CAPN5: variants seen among roughly 807,000 people sequenced by gnomAD.
CAPN5 encodes calpain-5.
Under a neutral mutation model 73.0 loss-of-function variants are expected in CAPN5, and 54 were observed. That is an observed-to-expected ratio of 0.74 (90% CI 0.59 to 0.93). CAPN5 has a LOEUF of 0.93. Among genes scored for constraint, CAPN5 ranks in the 40% least tolerant of loss-of-function variants. The pLI is 0.00. For missense variants in CAPN5, 785 were observed against 882.9 expected (o/e 0.89, Z 1.41); for synonymous variants, 335 against 356.9 (o/e 0.94, Z 0.69).
chr11:77,111,583 A>G (rs543719986), intron 3 of CAPN5, among the ~76,000 whole-genome samples: 7 of 152,306 alleles, frequency 4.6e-5, no homozygotes, highest in South Asian at 2.1e-4. Context: ...TCCCCAGTCA[A>G]TGTCTTTGAA....
chr11:77,088,394 C>T (rs1352975297), intron 2 of CAPN5, among the ~76,000 whole-genome samples: 2 of 152,160 alleles, frequency 1.3e-5, no homozygotes, highest in South Asian at 4.1e-4. Flanking sequence ...CGGGGGCACA[C>T]CCAGCCGAAC....
Position 77,099,739 on chromosome 11 carries a change from G to GGGAGAC in CAPN5, c.297+5931_297+5932insCGGAGA, listed in dbSNP as rs1555038440. On this transcript the variant is annotated intron_variant, in intron 3 of 12. Transcript: ENST00000648180. The stretch of plus-strand genomic sequence containing the variant: ...AGGGAGAGGGAGACGGAGAGGGAGA[G>GGGAGAC]GGAGAGGGAGACGGAGAGGGAGACG... Among the ~76,000 whole-genome samples, 175 of 148,702 alleles carry GGGAGAC rather than the reference G, an allele frequency of 1.2e-3. 2 individuals are homozygous for GGGAGAC. Among genetic ancestry groups the GGGAGAC allele is most frequent in the African/African-American group, 4.2e-3 (170 of 40,058 alleles).
At chr11:77,070,325 G>A (rs114840508) in intron 1 of CAPN5, among the ~76,000 whole-genome samples, 1,571 of 152,292 alleles carry the variant, frequency 0.01, 23 homozygotes, top group African/African-American at 0.036. Context: ...ATGTGCCCCC[G>A]GGGATGGTGG....
chr11:77,079,083 A>C (rs879961106), intron 1 of CAPN5, among the ~76,000 whole-genome samples: 2 of 152,076 alleles, frequency 1.3e-5, no homozygotes, highest in Non-Finnish European at 2.9e-5. Flanking sequence ...CCATCCTTGC[A>C]TCCTTCATAT....
intron 8 of CAPN5, among the ~76,000 whole-genome samples, chr11:77,118,718 G>A (rs1244669220): frequency 6.6e-6 from 1 of 152,216 alleles, no homozygotes; most frequent in African/African-American, 2.4e-5. Context: ...TTCCCCACGG[G>A]GCCTCTCCCC....
intron 2 of CAPN5, 51 bp from the exon 3 acceptor site, chr11:77,093,631 G>A (rs782162940): frequency 5.3e-6 from 8 of 1,520,684 alleles, no homozygotes; most frequent in South Asian, 1.2e-5. Flanking sequence ...GCCATGGGGG[G>A]CATCCGCATG....
Position 77,112,602 on chromosome 11 carries a change from G to A in CAPN5, c.311G>A (p.Trp104Ter). The change falls in exon 4 of 13, where the codon TGG becomes TAG. Residue 104 changes from tryptophan (W) to a stop codon, truncating the protein, a stop_gained. Transcript: ENST00000648180. LOFTEE classifies it high-confidence loss of function. ...ESLWQKVIPD[W>*]KEQEWDPEKP... The stretch of plus-strand genomic sequence containing the variant: ...CCCCCTACCCAGGTCATCCCAGACT[G>A]GAAGGAGCAGGAATGGGACCCCGAA... The A allele has an allele frequency of 1.2e-6, 2 of 1,613,764 alleles. No individual in the cohort carries two copies. Among genetic ancestry groups the A allele is most frequent in the Non-Finnish European group, 1.7e-6 (2 of 1,179,954 alleles).
At chr11:77,108,637 G>A (rs984310375) in intron 3 of CAPN5, among the ~76,000 whole-genome samples, 2 of 151,994 alleles carry the variant, frequency 1.3e-5, no homozygotes, top group Non-Finnish European at 1.5e-5. Context: ...GCCAGCCTAT[G>A]GCTAGTCTTA....
intron 3 of CAPN5, among the ~76,000 whole-genome samples, chr11:77,107,278 C>T (rs1222727069): frequency 6.6e-6 from 1 of 152,218 alleles, no homozygotes; most frequent in African/African-American, 2.4e-5. Flanking sequence ...CTCACAAAGG[C>T]CCGTGGCTTA....
chr11:77,078,746 A>G (rs1435715209), intron 1 of CAPN5, among the ~76,000 whole-genome samples: 1 of 151,372 alleles, frequency 6.6e-6, no homozygotes, highest in Non-Finnish European at 1.5e-5. Context: ...TGTGTCTTCA[A>G]TTTCTTTCAT....
chr11:77,086,408 AG>A (rs1380859963), intron 2 of CAPN5, among the ~76,000 whole-genome samples: 1 of 152,124 alleles, frequency 6.6e-6, no homozygotes, highest in African/African-American at 2.4e-5. Flanking sequence ...AGCTGCTAGC[AG>A]GGGTAGTTGA....
At chr11:77,107,448 C>A (rs549443917) in intron 3 of CAPN5, among the ~76,000 whole-genome samples, 29 of 152,316 alleles carry the variant, frequency 1.9e-4, no homozygotes, top group Non-Finnish European at 4.0e-4. Context: ...ACCACCTCCA[C>A]ACACGCACAC....
In CAPN5 at chr11:77,123,802, C is replaced by T. The variant is rs782634406; in HGVS notation, c.1855C>T (p.Gln619Ter). 2 of 1,613,960 alleles carry T rather than the reference C, an allele frequency of 1.2e-6. No homozygotes were observed. The highest frequency in any genetic ancestry group is 1.7e-6 in the Non-Finnish European group (2 of 1,180,012). Residue 619 changes from glutamine to a stop codon, truncating the protein, a stop_gained, in exon 13 of 13, where the codon CAG (glutamine) becomes TAG (stop). Transcript: ENST00000648180. LOFTEE classifies it high-confidence loss of function. ...CCACCTCCGGGACCGAAATAGCCGGCAGCCCAGCAACCTGCCAGGCACTGT... is the reference window on the plus strand; with the variant it reads ...CCACCTCCGGGACCGAAATAGCCGGTAGCCCAGCAACCTGCCAGGCACTGT... ...TLHLRDRNSR[Q>*]PSNLPGTVAV...
intron 1 of CAPN5, among the ~76,000 whole-genome samples, chr11:77,079,494 C>G (rs1950007323): frequency 6.6e-6 from 1 of 152,074 alleles, no homozygotes; most frequent in Non-Finnish European, 1.5e-5. Context: ...GTTTACTATT[C>G]TATTATATGA....
At chr11:77,107,452 C>T (rs545949915) in intron 3 of CAPN5, among the ~76,000 whole-genome samples, 187 of 152,316 alleles carry the variant, frequency 1.2e-3, no homozygotes, top group African/African-American at 4.2e-3. Context: ...CCTCCACACA[C>T]GCACACACTT....
intron 1 of CAPN5, among the ~76,000 whole-genome samples, chr11:77,078,845 T>C (rs1276295605): frequency 6.6e-6 from 1 of 152,204 alleles, no homozygotes; most frequent in Non-Finnish European, 1.5e-5. Context: ...GTAACTATTG[T>C]AAATGGGATT....
At chr11:77,118,776 G>A (rs1047875352) in intron 8 of CAPN5, among the ~76,000 whole-genome samples, 18 of 152,332 alleles carry the variant, frequency 1.2e-4, no homozygotes, top group African/African-American at 4.3e-4. Context: ...CTGGTGCTTG[G>A]TGTGCCTCTG....
At chr11:77,095,557 C>G (rs1950199469) in intron 3 of CAPN5, among the ~76,000 whole-genome samples, 1 of 152,178 alleles carries the variant, frequency 6.6e-6, no homozygotes, top group Admixed American at 6.5e-5. Context: ...GAACAGAGCT[C>G]CTTTCCAAAT....
chr11:77,095,203 C>T (rs980550631), intron 3 of CAPN5, among the ~76,000 whole-genome samples: 43 of 152,202 alleles, frequency 2.8e-4, no homozygotes, highest in African/African-American at 9.4e-4. Flanking sequence ...TTCAATTCTA[C>T]GCCTCAAGGC....
Sources: allele counts gnomAD v4.1 joint callset (sites outside exome capture counted in the v4.1 genomes callset), GRCh38; gene constraint gnomAD v4.1.1; transcripts MANE v1.5; gene names NCBI Gene and HGNC (gene_info 2026-07-23, HGNC 2026-07-21).